Variants in TP63 observed in about 807,000 individuals in gnomAD.
TP63 encodes the protein tumor protein 63.
Under a neutral mutation model 82.8 loss-of-function variants are expected in TP63, and 17 were observed. The ratio of observed to expected loss-of-function variants is 0.21; its 90% confidence interval spans 0.14 to 0.31. The LOEUF (loss-of-function observed/expected upper bound fraction) is 0.31, where lower values mean the gene tolerates loss of function less well. TP63 is among the 10% of genes least tolerant of loss of function. TP63 has a pLI of 1.00. For missense variants in TP63, 648 were observed against 895.3 expected, an observed-to-expected ratio of 0.72 and a Z score of 3.52; for synonymous variants, 330 against 321.7, an observed-to-expected ratio of 1.03 and a Z score of -0.28.
At chr3:189,646,701 A>G (rs918446999) in intron 1 of TP63, among the ~76,000 whole-genome samples, 1 of 147,154 alleles carries the variant, frequency 6.8e-6, no homozygotes, top group African/African-American at 2.5e-5. Flanking sequence ...AATCTGACCT[A>G]TAGAGATTTG....
At chr3:189,735,875 A>G (rs1577325484) in intron 1 of TP63, among the ~76,000 whole-genome samples, 2 of 152,264 alleles carry the variant, frequency 1.3e-5, no homozygotes, top group African/African-American at 4.8e-5. Flanking sequence ...TCGAATAAGT[A>G]CAATAGAACT....
At chr3:189,789,887 A>G (rs1724957187) in intron 3 of TP63, 1 of 1,481,260 alleles carries the variant, frequency 6.8e-7, no homozygotes, top group Admixed American at 2.6e-5. Context: ...ATGCTTTTTA[A>G]TTTTTATTTT....
At chr3:189,782,563 C>T (rs1724308353) in intron 3 of TP63, among the ~76,000 whole-genome samples, 1 of 151,966 alleles carries the variant, frequency 6.6e-6, no homozygotes, top group African/African-American at 2.4e-5. Context: ...TTGATAAATA[C>T]AACAATAAAA....
Position 189,864,321 on chromosome 3 carries a change from T to A in TP63, c.669T>A (p.Ala223=). The change falls in exon 5 of 14, where the codon GCT becomes GCA. Residue 223 remains alanine (A), a synonymous_variant. Coordinates refer to ENST00000264731, the MANE Select transcript of TP63 (RefSeq NM_003722.5). The part of the protein sequence containing the change: ...IKVMTPPPQG[A]VIRAMPVYKK... ...TGATGACCCCACCTCCTCAGGGAGC[T>A]GTTATCCGCGCCATGCCTGTCTACA... The A allele has an allele frequency of 6.2e-7, 1 of 1,614,156 alleles. No homozygotes were observed. Among genetic ancestry groups the A allele is most frequent in the Non-Finnish European group, 8.5e-7 (1 of 1,180,026 alleles).
chr3:189,789,142 A>G (rs556991732), intron 3 of TP63, among the ~76,000 whole-genome samples: 2 of 152,042 alleles, frequency 1.3e-5, no homozygotes, highest in African/African-American at 2.4e-5. Context: ...ATAAGTTAAA[A>G]ACTCTTTAGC....
intron 1 of TP63, among the ~76,000 whole-genome samples, chr3:189,707,503 A>G (rs1448457732): frequency 1.3e-5 from 2 of 152,086 alleles, no homozygotes; most frequent in African/African-American, 4.8e-5. Context: ...TTGTTTTACA[A>G]ATTTTCTTTT....
At chr3:189,716,985 A>G (rs1719013364) in intron 1 of TP63, among the ~76,000 whole-genome samples, 1 of 152,082 alleles carries the variant, frequency 6.6e-6, no homozygotes, top group Non-Finnish European at 1.5e-5. Context: ...TTCAGTAGAG[A>G]CTGGGTTTCA....
intron 3 of TP63, among the ~76,000 whole-genome samples, chr3:189,760,854 G>A (rs761262273): frequency 1.3e-5 from 2 of 152,184 alleles, no homozygotes; most frequent in Non-Finnish European, 2.9e-5. Context: ...CTGAAATCTA[G>A]GTGGAGGTTC....
At chr3:189,760,170 A>G (rs1337058237) in intron 3 of TP63, among the ~76,000 whole-genome samples, 1 of 152,158 alleles carries the variant, frequency 6.6e-6, no homozygotes, top group Non-Finnish European at 1.5e-5. Flanking sequence ...GGCCCCTCTC[A>G]AATCTCATAT....
At chr3:189,716,271 AT>A (rs1377164107) in intron 1 of TP63, among the ~76,000 whole-genome samples, 1 of 152,132 alleles carries the variant, frequency 6.6e-6, no homozygotes, top group Non-Finnish European at 1.5e-5. Context: ...TATAAAATAT[AT>A]TTTTATTTAC....
chr3:189,885,191 C>T (rs1041162852), intron 10 of TP63, among the ~76,000 whole-genome samples: 4 of 152,324 alleles, frequency 2.6e-5, no homozygotes, highest in African/African-American at 9.6e-5. Context: ...AGACTAGACA[C>T]TTGCTTAAAG....
intron 3 of TP63, among the ~76,000 whole-genome samples, chr3:189,784,734 G>T (rs556975450): frequency 1.3e-5 from 2 of 152,032 alleles, no homozygotes; most frequent in South Asian, 4.1e-4. Context: ...GAACTTAGCT[G>T]GTCACCCTAA....
At chr3:189,663,662 G>T (rs971795300) in intron 1 of TP63, among the ~76,000 whole-genome samples, 1 of 150,576 alleles carries the variant, frequency 6.6e-6, no homozygotes, top group Non-Finnish European at 1.5e-5. Flanking sequence ...TGAGTAACTG[G>T]GATTACAGGC....
At chr3:189,792,641 G>T (rs577005341) in intron 3 of TP63, among the ~76,000 whole-genome samples, 45 of 152,126 alleles carry the variant, frequency 3.0e-4, no homozygotes, top group South Asian at 2.1e-3. Flanking sequence ...ACAAATCAGG[G>T]TTAATGATTT....
At chr3:189,651,862 A>C (rs1224477711) in intron 1 of TP63, among the ~76,000 whole-genome samples, 1 of 147,258 alleles carries the variant, frequency 6.8e-6, no homozygotes, top group Admixed American at 6.7e-5. Flanking sequence ...GGTACAGCTA[A>C]GGCTATTGCT....
intron 1 of TP63, among the ~76,000 whole-genome samples, chr3:189,725,110 A>C (rs917159432): frequency 2.6e-5 from 4 of 152,208 alleles, no homozygotes; most frequent in Admixed American, 6.5e-5. Context: ...TTGTGAAAAA[A>C]AGTCTAAAGG....
At chr3:189,789,639 A>G in intron 3 of TP63, 1 of 1,398,496 alleles carries the variant, frequency 7.2e-7, no homozygotes, top group Non-Finnish European at 9.3e-7. Flanking sequence ...GGTATATATT[A>G]GGAAACCTTA....
intron 3 of TP63, among the ~76,000 whole-genome samples, chr3:189,772,970 G>A (rs1576921801): frequency 1.3e-5 from 2 of 152,328 alleles, no homozygotes; most frequent in South Asian, 4.1e-4. Flanking sequence ...AGGTCCCTTA[G>A]TGTAAGGAGA....
chr3:189,677,180 G>A (rs1425202193), intron 1 of TP63, among the ~76,000 whole-genome samples: 1 of 150,756 alleles, frequency 6.6e-6, no homozygotes, highest in Admixed American at 6.6e-5. Flanking sequence ...TGGTTGAATA[G>A]TATTCCATGG....
Sources: allele counts gnomAD v4.1 joint callset (sites outside exome capture counted in the v4.1 genomes callset), GRCh38; gene constraint gnomAD v4.1.1; transcripts MANE v1.5; gene names NCBI Gene and HGNC (gene_info 2026-07-23, HGNC 2026-07-21).